The following ATOSA variants were observed in gnomAD, a reference collection of about 807,000 sequenced individuals.
ATOSA encodes the protein atos homolog protein A.
chr15:52,691,786 A>C, the ATOSA span, among the ~76,000 whole-genome samples: 1 of 152,100 alleles, frequency 6.6e-6, no homozygotes, highest in Admixed American at 6.5e-5. Context: ...AGTGAGACTT[A>C]ATCACACCAC....
chr15:52,608,231 G>C, the ATOSA span, among the ~76,000 whole-genome samples: 1 of 152,076 alleles, frequency 6.6e-6, no homozygotes, highest in South Asian at 2.1e-4. Context: ...CTTTAAGATG[G>C]GGGAGCAGGG....
chr15:52,592,809 C>T, the ATOSA span, among the ~76,000 whole-genome samples: 1 of 152,208 alleles, frequency 6.6e-6, no homozygotes. Context: ...TTTCACTCTC[C>T]ATTAAGACAT....
At chr15:52,605,220 C>T in the ATOSA span, 4 of 1,610,328 alleles carry the variant, frequency 2.5e-6, no homozygotes, top group Non-Finnish European at 3.4e-6. Flanking sequence ...GTTTTCGCCA[C>T]ACATTTGAAT....
the ATOSA span, among the ~76,000 whole-genome samples, chr15:52,642,537 T>A: frequency 1.3e-5 from 2 of 152,334 alleles, no homozygotes; most frequent in Non-Finnish European, 2.9e-5. Context: ...ACAGACTAAC[T>A]CTTACATCTA....
chr15:52,620,176 C>T, the ATOSA span, among the ~76,000 whole-genome samples: 1 of 152,072 alleles, frequency 6.6e-6, no homozygotes, highest in Non-Finnish European at 1.5e-5. Flanking sequence ...TGGGGTGATC[C>T]GTAGACAAAA....
the ATOSA span, chr15:52,650,002 G>C: frequency 6.6e-6 from 1 of 152,084 alleles, no homozygotes; most frequent in East Asian, 1.9e-4. Flanking sequence ...CTTTCTCTTG[G>C]AGGCTCTATT....
At chr15:52,600,732 G>C in the ATOSA span, among the ~76,000 whole-genome samples, 3 of 150,704 alleles carry the variant, frequency 2.0e-5, no homozygotes, top group Non-Finnish European at 4.4e-5. Context: ...GGGCAAAATT[G>C]TGTGACTAAA....
the ATOSA span, among the ~76,000 whole-genome samples, chr15:52,616,070 T>C: frequency 6.6e-6 from 1 of 152,214 alleles, no homozygotes; most frequent in Non-Finnish European, 1.5e-5. Flanking sequence ...ACATGGATCA[T>C]ACACTTTAAA....
the ATOSA span, among the ~76,000 whole-genome samples, chr15:52,667,174 A>T: frequency 6.6e-6 from 1 of 152,214 alleles, no homozygotes; most frequent in Non-Finnish European, 1.5e-5. Context: ...AAAATCTGGG[A>T]TTTCAACAAT....
the ATOSA span, among the ~76,000 whole-genome samples, chr15:52,615,024 C>T: frequency 2.0e-5 from 3 of 151,974 alleles, no homozygotes; most frequent in Non-Finnish European, 4.4e-5. Flanking sequence ...TCTTTCTCTC[C>T]CCCTCCCTTT....
At chr15:52,640,713 C>T in the ATOSA span, among the ~76,000 whole-genome samples, 20 of 148,172 alleles carry the variant, frequency 1.3e-4, no homozygotes, top group Non-Finnish European at 1.8e-4. Flanking sequence ...GCAATATATA[C>T]TACTAGATCT....
chr15:52,610,685 C>T, the ATOSA span, among the ~76,000 whole-genome samples: 1 of 152,196 alleles, frequency 6.6e-6, no homozygotes, highest in Non-Finnish European at 1.5e-5. Context: ...TTTGTAATTG[C>T]TAGCACATAA....
At chr15:52,649,960 C>T in the ATOSA span, 2 of 152,256 alleles carry the variant, frequency 1.3e-5, no homozygotes, top group East Asian at 1.9e-4. Context: ...TCATGTTCCC[C>T]CATCTTTTGC....
chr15:52,700,817 C>T, the ATOSA span, among the ~76,000 whole-genome samples: 1 of 152,028 alleles, frequency 6.6e-6, no homozygotes, highest in African/African-American at 2.4e-5. Context: ...ATATATTTAC[C>T]TCAACATATA....
chr15:52,626,324 AAAC>A, the ATOSA span, among the ~76,000 whole-genome samples: 22 of 152,322 alleles, frequency 1.4e-4, no homozygotes, highest in African/African-American at 5.3e-4. Flanking sequence ...GTGGTTCCAG[AAAC>A]AACAAGAGGA....
chr15:52,613,766 A>T, the ATOSA span: 4 of 1,613,948 alleles, frequency 2.5e-6, no homozygotes, highest in South Asian at 3.3e-5. Context: ...GACCTTTTAC[A>T]GAACATTCAG....
At chr15:52,685,721 T>A in the ATOSA span, among the ~76,000 whole-genome samples, 5 of 152,172 alleles carry the variant, frequency 3.3e-5, no homozygotes, top group East Asian at 7.7e-4. Context: ...AGGCATTTGT[T>A]TTTTAGAGAC....
the ATOSA span, among the ~76,000 whole-genome samples, chr15:52,687,460 G>A: frequency 3.9e-5 from 6 of 152,174 alleles, no homozygotes; most frequent in Non-Finnish European, 7.3e-5. Context: ...AAAAATATTC[G>A]TGCATAAGGA....
chr15:52,696,777 C>T, the ATOSA span, among the ~76,000 whole-genome samples: 1 of 151,840 alleles, frequency 6.6e-6, no homozygotes, highest in Non-Finnish European at 1.5e-5. Flanking sequence ...GCAAATATCA[C>T]AATTAAGAAC....
Sources: gnomAD v4.1 joint callset for allele counts (sites outside exome capture counted in the v4.1 genomes callset) on GRCh38, gnomAD v4.1.1 for gene constraint, MANE v1.5 for transcripts, NCBI Gene and HGNC (gene_info 2026-07-23, HGNC 2026-07-21) for gene names.